SNX29: variants seen among roughly 807,000 people sequenced by gnomAD.
The protein encoded by SNX29 is sorting nexin 29.
Under a neutral mutation model 102.1 loss-of-function variants are expected in SNX29, and 78 were observed. The ratio of observed to expected loss-of-function variants is 0.76; its 90% CI spans 0.64 to 0.92. The LOEUF is 0.92. SNX29 is among the 40% of genes least tolerant of loss of function. The pLI is 0.00. For missense variants in SNX29, 1,280 were observed against 1,061.7 expected (o/e 1.21, Z -2.86); for synonymous variants, 580 against 414.5 (o/e 1.40, Z -4.85).
At chr16:12,516,853 G>C (rs2089889119) in intron 19 of SNX29, among the ~76,000 whole-genome samples, 1 of 152,166 alleles carries the variant, frequency 6.6e-6, no homozygotes, top group African/African-American at 2.4e-5. Flanking sequence ...ACAAAATTCA[G>C]GGAAATACAG....
At chr16:12,547,475 C>G (rs931912015) in intron 20 of SNX29, among the ~76,000 whole-genome samples, 6 of 152,096 alleles carry the variant, frequency 3.9e-5, no homozygotes, top group African/African-American at 7.2e-5. Flanking sequence ...GGGGTATTCT[C>G]AAAGTAGAAC....
chr16:12,247,620 A>T (rs1335025689), intron 14 of SNX29, among the ~76,000 whole-genome samples: 1 of 152,208 alleles, frequency 6.6e-6, no homozygotes, highest in East Asian at 1.9e-4. Flanking sequence ...CCAAGTGCTC[A>T]GCAGGGCCTG....
At chr16:12,119,967 C>T (rs892067631) in intron 11 of SNX29, among the ~76,000 whole-genome samples, 9 of 152,194 alleles carry the variant, frequency 5.9e-5, no homozygotes, top group Non-Finnish European at 1.2e-4. Flanking sequence ...GCCATCTGAG[C>T]CCTGCGAAGG....
chr16:12,549,838 T>C (rs957066308), intron 20 of SNX29, among the ~76,000 whole-genome samples: 2 of 152,376 alleles, frequency 1.3e-5, no homozygotes, highest in East Asian at 1.9e-4. Flanking sequence ...CCTTGCCTCC[T>C]TGGCCGCATG....
intron 13 of SNX29, among the ~76,000 whole-genome samples, chr16:12,132,070 C>T (rs2054490084): frequency 6.6e-6 from 1 of 151,430 alleles, no homozygotes; most frequent in Admixed American, 6.6e-5. Context: ...GGTTCTTAGT[C>T]AGCAAAGAGA....
At chr16:12,255,258 T>G (rs1396718822) in intron 14 of SNX29, among the ~76,000 whole-genome samples, 1 of 152,148 alleles carries the variant, frequency 6.6e-6, no homozygotes, top group East Asian at 1.9e-4. Context: ...CGCAATGGCG[T>G]GATCTCGGCT....
At position 12,253,377 on chromosome 16, in the gene SNX29, A is replaced by T. The variant is rs141140729; in HGVS notation, c.1679-24556A>T. 5.9e-5 allele frequency among the ~76,000 whole-genome samples: 9 copies of T among 152,338 alleles called. No individual in the cohort carries two copies. The East Asian group carries it at 1.7e-3, about 29-fold the overall frequency. On this transcript the variant is annotated intron_variant, in intron 14 of 20. Coordinates refer to ENST00000566228, the MANE Select transcript of SNX29 (RefSeq NM_032167.5). ...GTGGAGTTGCATTCTAGTTAGGGGG[A>T]GACAGAAGATAATCAACAAATAGGA... is the stretch of plus-strand genomic sequence containing the variant.
intron 3 of SNX29, among the ~76,000 whole-genome samples, chr16:12,023,961 T>G (rs1004166186): frequency 6.6e-6 from 1 of 152,152 alleles, no homozygotes; most frequent in Non-Finnish European, 1.5e-5. Flanking sequence ...TCGGTCACAT[T>G]CTCTGTAGCA....
At chr16:12,041,402 G>T (rs565642966) in intron 4 of SNX29, among the ~76,000 whole-genome samples, 1 of 152,204 alleles carries the variant, frequency 6.6e-6, no homozygotes, top group African/African-American at 2.4e-5. Flanking sequence ...ATGGGCCACC[G>T]TGCCTGGCCT....
At chr16:12,557,021 CCCCCG>C (rs1335711387) in intron 20 of SNX29, among the ~76,000 whole-genome samples, 7 of 42,636 alleles carry the variant, frequency 1.6e-4, no homozygotes, top group Non-Finnish European at 3.1e-4. Context: ...ATTTACCCCC[CCCCCG>C]CCCCAAGATG....
rs970425981 is a variant in SNX29 at position 12,103,208 on chromosome 16, A to C, written c.1403-23425A>C. Among the ~76,000 whole-genome samples the C allele has an allele frequency of 2.0e-5, 3 of 152,228 alleles. No homozygotes were observed. The South Asian group carries it at 6.2e-4, about 31-fold the overall frequency. ...CACAGAATTAGAAAAAAACTGCTTT[A>C]AATTTCATATGGAACCAAAAAAGAG... On this transcript the variant is annotated intron_variant, in intron 11 of 20. Coordinates refer to ENST00000566228, the MANE Select transcript of SNX29 (RefSeq NM_032167.5).
In SNX29 at chr16:12,573,778, C is replaced by G. The variant is rs2079235670; in HGVS notation, c.*5149C>G. ...CTAAACGCTCAGTGACCCCAGAGAC[C>G]ATTAATTTCCCGGAGTGAAGGGGAT... On this transcript the variant is annotated 3_prime_UTR_variant, in exon 21 of 21. Transcript: ENST00000566228. 1 of 222,534 alleles carries G rather than the reference C, an allele frequency of 4.5e-6. No individual in the cohort carries two copies. Among genetic ancestry groups the G allele is most frequent in the Admixed American group, 5.7e-5 (1 of 17,428 alleles). The allele number at this position is 222,534 out of a possible 1,614,324, so 13.8% of individuals were successfully genotyped here.
intron 16 of SNX29, among the ~76,000 whole-genome samples, chr16:12,366,183 G>A (rs1336443119): frequency 6.6e-6 from 1 of 151,892 alleles, no homozygotes; most frequent in African/African-American, 2.4e-5. Flanking sequence ...GAGATAGTTT[G>A]ATAGTCTTCC....
intron 14 of SNX29, among the ~76,000 whole-genome samples, chr16:12,234,739 T>C (rs2077873158): frequency 6.6e-6 from 1 of 152,214 alleles, no homozygotes. Flanking sequence ...TGGAGAGTTG[T>C]TCATTCCCTC....
At chr16:12,030,472 CCTT>C (rs2057307553) in intron 4 of SNX29, among the ~76,000 whole-genome samples, 1 of 152,200 alleles carries the variant, frequency 6.6e-6, no homozygotes. Context: ...CCAGCCTTCT[CCTT>C]CTCCCTCTTC....
At chr16:12,394,502 T>G (rs758634688) in intron 16 of SNX29, among the ~76,000 whole-genome samples, 3 of 152,146 alleles carry the variant, frequency 2.0e-5, no homozygotes, top group Non-Finnish European at 4.4e-5. Context: ...TTAAAAAAAC[T>G]TGGCTATTTT....
intron 18 of SNX29, among the ~76,000 whole-genome samples, chr16:12,425,128 A>G (rs753471399): frequency 4.3e-4 from 66 of 152,250 alleles, no homozygotes; most frequent in Non-Finnish European, 7.1e-4. Flanking sequence ...ATCTAAACGC[A>G]AAAGCGGGTG....
intron 19 of SNX29, among the ~76,000 whole-genome samples, chr16:12,493,450 T>C (rs890729322): frequency 5.3e-5 from 8 of 152,108 alleles, no homozygotes; most frequent in African/African-American, 1.9e-4. Flanking sequence ...GACGATGGGG[T>C]TTTCTAGATA....
intron 15 of SNX29, among the ~76,000 whole-genome samples, chr16:12,284,486 C>T (rs1386995835): frequency 1.3e-5 from 2 of 152,214 alleles, no homozygotes; most frequent in Non-Finnish European, 2.9e-5. Context: ...CTGGGTGGGA[C>T]AGTATGTCCA....
Sources: gnomAD v4.1 joint callset for allele counts (sites outside exome capture counted in the v4.1 genomes callset) on GRCh38, gnomAD v4.1.1 for gene constraint, MANE v1.5 for transcripts, NCBI Gene and HGNC (gene_info 2026-07-23, HGNC 2026-07-21) for gene names.